The following TMEM74B variants were observed in gnomAD, a reference collection of about 807,000 sequenced individuals.
TMEM74B encodes the protein transmembrane protein 74B, also known as transmembrane protein C20orf46.
Under a neutral mutation model 6.5 loss-of-function variants are expected in TMEM74B, and 7 were observed. The observed-to-expected ratio is 1.07, with a 90% CI of 0.61 to 2.01. TMEM74B has a LOEUF of 2.01. TMEM74B is among the 30% of genes most tolerant of loss of function. The pLI is 0.00. For synonymous variants in TMEM74B, 151 were observed against 151.6 expected (o/e 1.00, Z 0.03); for missense variants, 342 against 337.0 (o/e 1.01, Z -0.12).
At chr20:1,188,899 G>A (rs904296058), upstream of TMEM74B, among the ~76,000 whole-genome samples, 9 of 151,860 alleles carry the variant, frequency 5.9e-5, no homozygotes, top group African/African-American at 2.2e-4. Flanking sequence ...CAGTCCTTGA[G>A]GAGGGGAACT....
chr20:1,181,583 G>C lies in TMEM74B; in HGVS notation c.36C>G (p.Ala12=). 1 of 1,449,360 alleles carries C rather than the reference G, an allele frequency of 6.9e-7. No homozygotes were observed. Among genetic ancestry groups the C allele is most frequent in the Middle Eastern group, 1.8e-4 (1 of 5,456 alleles). 89.8% of individuals were successfully genotyped at this position (1,449,360 alleles called of 1,614,324 possible). A position where few individuals can be genotyped will look rare whatever the true frequency, so the allele number is the denominator to read the frequency against. ...GCCCCAGCTCATCCCTTGGCCCCTT[G>C]GCAGCTGGAAGAGAAAAAAGAAAGT... ...PPAQGYEFAA[A]KGPRDELGPS... Residue 12 remains alanine (A), a synonymous_variant, in exon 3 of 3, where the codon GCC becomes GCG. Transcript: ENST00000429036. This position sits in a 1 kb window ranked among gnomAD's most constrained non-coding sequence, Gnocchi z 4.9.
In TMEM74B at chr20:1,181,092, C is replaced by T; in HGVS notation, c.527G>A (p.Cys176Tyr). 1 of 1,613,966 alleles carries T rather than the reference C, an allele frequency of 6.2e-7. No homozygotes were observed. Among genetic ancestry groups the T allele is most frequent in the Non-Finnish European group, 8.5e-7 (1 of 1,179,964 alleles). The stretch of plus-strand genomic sequence containing the variant: ...GAGCAGCCCGAGGCCTGCGATGATG[C>T]ACCTGTCCAGGTGGGAGCCTAGGCG... ...YARLGSHLDR[C>Y]IIAGLGLLTV... The change falls in exon 3 of 3, where the codon TGC (cysteine) becomes TAC (tyrosine). Residue 176 changes from cysteine (C) to tyrosine (Y), a missense_variant. Coordinates refer to ENST00000429036, the MANE Select transcript of TMEM74B (RefSeq NM_001304748.2). The surrounding 1 kb of genome is among the most constrained non-coding windows in gnomAD (Gnocchi z 4.9).
At chr20:1,187,425 ATAT>A (rs1209965644), upstream of TMEM74B, among the ~76,000 whole-genome samples, 2 of 152,294 alleles carry the variant, frequency 1.3e-5, no homozygotes, top group East Asian at 3.9e-4. Flanking sequence ...AAATGGGCAA[ATAT>A]TATATACTAG....
At chr20:1,188,535 A>C (rs968804109), upstream of TMEM74B, among the ~76,000 whole-genome samples, 2 of 149,436 alleles carry the variant, frequency 1.3e-5, no homozygotes, top group East Asian at 3.9e-4. Flanking sequence ...CACACACACT[A>C]CACACACCAC....
chr20:1,188,080 G>A (rs1383464270), upstream of TMEM74B, among the ~76,000 whole-genome samples: 1 of 151,924 alleles, frequency 6.6e-6, no homozygotes, highest in Non-Finnish European at 1.5e-5. Flanking sequence ...TAGAATTGGA[G>A]ATACCAGAAT....
At chr20:1,183,298 G>GTGTGTGTGTGTGTC (rs2086923042) in intron 2 of TMEM74B, among the ~76,000 whole-genome samples, 2 of 149,828 alleles carry the variant, frequency 1.3e-5, no homozygotes, top group South Asian at 4.2e-4. Context: ...CTCTGTGTGT[G>GTGTGTGTGTGTGTC]TGTGTGTGTG....
upstream of TMEM74B, among the ~76,000 whole-genome samples, chr20:1,188,112 T>C (rs1043000155): frequency 6.6e-6 from 1 of 151,896 alleles, no homozygotes; most frequent in African/African-American, 2.4e-5. Flanking sequence ...TAGCTTAATA[T>C]AGATGCAGAT....
At chr20:1,186,168 C>T (rs1238460572), upstream of TMEM74B, 1 of 152,312 alleles carries the variant, frequency 6.6e-6, no homozygotes, top group Non-Finnish European at 1.5e-5. Context: ...TCCTTTTGCC[C>T]GCACTGTTTG....
chr20:1,181,431 C>T lies in TMEM74B; in HGVS notation c.188G>A (p.Cys63Tyr). Residue 63 changes from cysteine (C) to tyrosine (Y), a missense_variant, in exon 3 of 3, where the codon TGC becomes TAC. Physicochemically the swap from Cys to Tyr is radical, Grantham distance 194. Transcript: ENST00000429036. The surrounding 1 kb of genome is among the most constrained non-coding windows in gnomAD (Gnocchi z 4.9). ...APTREGVENA[C>Y]FSSEEHETHF... ...GGTCTCATGCTCCTCTGAGGAGAAG[C>T]AGGCATTCTCCACACCCTCCCTGGT... The T allele has an allele frequency of 1.3e-6, 2 of 1,518,804 alleles. No homozygotes were observed. The highest frequency in any genetic ancestry group is 1.8e-6 in the Non-Finnish European group (2 of 1,133,778). 94.1% of individuals were successfully genotyped at this position (1,518,804 alleles called of 1,614,324 possible).
chr20:1,183,977 A>T (rs2086949977), intron 1 of TMEM74B, 29 bp from the exon 2 acceptor site: 1 of 647,428 alleles, frequency 1.5e-6, no homozygotes, highest in Non-Finnish European at 2.6e-6. Flanking sequence ...GAAAAAAGAG[A>T]TGTGTTTGTT....
chr20:1,180,701 TC>T lies in TMEM74B; in HGVS notation c.*146del. The T allele has an allele frequency of 8.7e-7, 1 of 1,149,378 alleles. No individual in the cohort carries two copies. Among genetic ancestry groups the T allele is most frequent in the South Asian group, 2.1e-5 (1 of 46,966 alleles). The allele number at this position is 1,149,378 out of a possible 1,614,324, so 71.2% of individuals were successfully genotyped here. On this transcript the variant is annotated 3_prime_UTR_variant, in exon 3 of 3. Transcript: ENST00000429036. This position sits in a 1 kb window ranked among gnomAD's most constrained non-coding sequence, Gnocchi z 6.1. ...GGGGCATGGGCTGGGCCCCGAGCTC[TC>T]CCTCCAGCACCCAGTACTTCTTCCA...
chr20:1,183,934 C>T lies in TMEM74B; in HGVS notation c.-133G>A. ...ATTCCATCTGGGTCCCCAGCCTGCG[C>T]CCAGACTGCTTTTACTTTCCAGTGA... On this transcript the variant is annotated 5_prime_UTR_variant, in exon 2 of 3. Coordinates refer to ENST00000429036, the MANE Select transcript of TMEM74B (RefSeq NM_001304748.2). The T allele has an allele frequency of 1.0e-6, 1 of 984,072 alleles. No individual in the cohort carries two copies. The highest frequency in any genetic ancestry group is 1.5e-6 in the Non-Finnish European group (1 of 658,430). 61.0% of individuals were successfully genotyped at this position (984,072 alleles called of 1,614,324 possible).
chr20:1,185,913 C>T (rs531932378), upstream of TMEM74B, among the ~76,000 whole-genome samples: 1 of 151,750 alleles, frequency 6.6e-6, no homozygotes, highest in Non-Finnish European at 1.5e-5. Flanking sequence ...CTTGCGGCTC[C>T]GTGGCTCAAG....
chr20:1,181,512 AGT>A lies in TMEM74B; in HGVS notation c.105_106del (p.Leu36GlufsTer34). 1 of 1,500,444 alleles carries A rather than the reference AGT, an allele frequency of 6.7e-7. No homozygotes were observed. Among genetic ancestry groups the A allele is most frequent in the East Asian group, 2.4e-5 (1 of 42,410 alleles). The allele number at this position is 1,500,444 out of a possible 1,614,324, so 92.9% of individuals were successfully genotyped here. On this transcript the variant is annotated frameshift_variant, in exon 3 of 3. Coordinates refer to ENST00000429036, the MANE Select transcript of TMEM74B (RefSeq NM_001304748.2). LOFTEE classifies it high-confidence loss of function. The surrounding 1 kb of genome is among the most constrained non-coding windows in gnomAD (Gnocchi z 4.9). ...CCTTGGGGCTTGGGGACCATTGCTC[AGT>A]GTCTTCAGTTCCAGACCAGGGGGAG... is the stretch of plus-strand genomic sequence containing the variant.
upstream of TMEM74B, among the ~76,000 whole-genome samples, chr20:1,187,716 GGTAGAAGGAAGTGT>G (rs2087038032): frequency 6.6e-6 from 1 of 152,188 alleles, no homozygotes; most frequent in Admixed American, 6.5e-5. Flanking sequence ...AAGACCTTGG[GGTAGAAGGAAGTGT>G]GTGACGAGTT....
At chr20:1,187,929 C>T (rs547289186), upstream of TMEM74B, among the ~76,000 whole-genome samples, 9 of 152,246 alleles carry the variant, frequency 5.9e-5, no homozygotes, top group African/African-American at 1.9e-4. Flanking sequence ...ACCTTTTCCT[C>T]TTTTGCATGA....
Position 1,181,627 on chromosome 20 carries a change from T to G in TMEM74B, c.32-40A>C. The stretch of plus-strand genomic sequence containing the variant: ...AGAAAGTCAGTTGAATGTAGCAACC[T>G]CTCCCTGTTGTGGAGGACATCATAC... On this transcript the variant is annotated intron_variant, in intron 2 of 2. Transcript: ENST00000429036. The surrounding 1 kb of genome is among the most constrained non-coding windows in gnomAD (Gnocchi z 4.9). 6.9e-7 allele frequency: 1 copy of G among 1,439,380 alleles called. No homozygotes were observed. The highest frequency in any genetic ancestry group is 1.6e-5 in the South Asian group (1 of 61,232). The allele number at this position is 1,439,380 out of a possible 1,614,324, so 89.2% of individuals were successfully genotyped here. A position where few individuals can be genotyped will look rare whatever the true frequency, so the allele number is the denominator to read the frequency against.
chr20:1,180,748 G>C lies in TMEM74B; in HGVS notation c.*100C>G. 1 of 1,486,832 alleles carries C rather than the reference G, an allele frequency of 6.7e-7. No homozygotes were observed. The highest frequency in any genetic ancestry group is 1.4e-5 in the South Asian group (1 of 72,758). The allele number at this position is 1,486,832 out of a possible 1,614,324, so 92.1% of individuals were successfully genotyped here. A position where few individuals can be genotyped will look rare whatever the true frequency, so the allele number is the denominator to read the frequency against. ...TTCCACAAGGCCCTATGTGAGCTCAGTTTAAAACCCCAGGGCCTTGGCAGG... is the reference window on the plus strand; with the variant it reads ...TTCCACAAGGCCCTATGTGAGCTCACTTTAAAACCCCAGGGCCTTGGCAGG... On this transcript the variant is annotated 3_prime_UTR_variant, in exon 3 of 3. Transcript: ENST00000429036. This position sits in a 1 kb window ranked among gnomAD's most constrained non-coding sequence, Gnocchi z 6.1.
rs775354963 is a variant in TMEM74B, at chr20:1,184,718, C to G, written c.-564G>C. 1 of 152,556 alleles carries G rather than the reference C, an allele frequency of 6.6e-6. No homozygotes were observed. The highest frequency in any genetic ancestry group is 1.5e-5 in the Non-Finnish European group (1 of 68,326). 9.5% of individuals were successfully genotyped at this position (152,556 alleles called of 1,614,324 possible). A position where few individuals can be genotyped will look rare whatever the true frequency, so the allele number is the denominator to read the frequency against. On this transcript the variant is annotated 5_prime_UTR_variant, in exon 1 of 3. Coordinates refer to ENST00000429036, the MANE Select transcript of TMEM74B (RefSeq NM_001304748.2). This position sits in a 1 kb window ranked among gnomAD's most constrained non-coding sequence, Gnocchi z 6.0. ...CAAGACCCGCAGGGGCCCAATACCC[C>G]ACCCGCCGCGCGCACTGACACCCGG...
Sources: gnomAD v4.1 joint callset for allele counts (sites outside exome capture counted in the v4.1 genomes callset) on GRCh38, gnomAD v4.1.1 for gene constraint, Gnocchi (gnomAD v3.1) non-coding constraint, MANE v1.5 for transcripts, NCBI Gene and HGNC (gene_info 2026-07-23, HGNC 2026-07-21) for gene names.